ASPSCR1: variants seen among roughly 807,000 people sequenced by gnomAD.
ASPSCR1 encodes the protein ASPSCR1 tether for SLC2A4, UBX domain containing.
Under a neutral mutation model 68.9 loss-of-function variants are expected in ASPSCR1, and 55 were observed. The observed-to-expected ratio is 0.80, with a 90% confidence interval of 0.64 to 1.00. The LOEUF (loss-of-function observed/expected upper bound fraction) is 1.00. Ranked by LOEUF, ASPSCR1 falls within the 50% of genes least tolerant of loss-of-function variation. The pLI is 0.00. For synonymous variants in ASPSCR1, 352 were observed against 332.6 expected, an observed-to-expected ratio of 1.06 and a Z score of -0.63; for missense variants, 765 against 762.2, an observed-to-expected ratio of 1.00 and a Z score of -0.04.
Position 82,009,147 on chromosome 17 carries a change from G to A in ASPSCR1, c.1044G>A (p.Thr348=), listed in dbSNP as rs948786783. ...TGCCTGATGAGTTCTTTGAGCTGAC[G>A]GTGGACGACGTGAGAAGACGCTTGG... The part of the protein sequence containing the change: ...AELPDEFFEL[T]VDDVRRRLAQ... The change falls in exon 8 of 16, where the codon ACG becomes ACA. Residue 348 remains threonine (T), a synonymous_variant. Coordinates refer to ENST00000306739, the MANE Select transcript of ASPSCR1 (RefSeq NM_024083.4). 10 of 1,610,288 alleles carry A rather than the reference G, an allele frequency of 6.2e-6. No individual in the cohort carries two copies. The highest frequency in any genetic ancestry group is 1.7e-5 in the Admixed American group (1 of 59,760).
rs748511827 is a variant in ASPSCR1, at chr17:82,010,772, C to T, written c.1171-30C>T. On this transcript the variant is annotated intron_variant, in intron 9 of 15. Transcript: ENST00000306739. ...TGGTCCCTGGTGCAGCTCCGGCCGT[C>T]CCTCCAACCCTTCCACTTGTCTGGC... is the stretch of plus-strand genomic sequence containing the variant. The T allele has an allele frequency of 3.1e-6, 5 of 1,607,442 alleles. No homozygotes were observed. The Admixed American group carries it at 6.7e-5, about 21-fold the overall frequency.
chr17:81,984,923 ACACACCCC>A (rs931718438), intron 3 of ASPSCR1, among the ~76,000 whole-genome samples: 4 of 89,560 alleles, frequency 4.5e-5, no homozygotes, highest in Non-Finnish European at 6.3e-5. Flanking sequence ...AGCAACGTGC[ACACACCCC>A]CACACCCGCA....
rs2042462581 is a variant in ASPSCR1 at position 81,999,639 on chromosome 17, A to G, written c.933+2793A>G. Among the ~76,000 whole-genome samples the G allele has an allele frequency of 6.6e-6, 1 of 151,852 alleles. No individual in the cohort carries two copies. The highest frequency in any genetic ancestry group is 2.4e-5 in the African/African-American group (1 of 41,352). ...GAAACTCCATCTCAAAAAAAAAAAA[A>G]AAAAAGAAAACAAGAAGTGGCCAGG... On this transcript the variant is annotated intron_variant, in intron 7 of 15. Transcript: ENST00000306739. This position sits in a 1 kb window ranked among gnomAD's most constrained non-coding sequence, Gnocchi z 4.4.
intron 2 of ASPSCR1, among the ~76,000 whole-genome samples, chr17:81,982,264 C>T (rs1451286656): frequency 1.3e-5 from 2 of 152,264 alleles, no homozygotes; most frequent in African/African-American, 2.4e-5. Flanking sequence ...CCACCGCGCC[C>T]AGCGCATTGT....
chr17:82,016,305 A>C (rs1277708859), intron 12 of ASPSCR1, 171 bp from the exon 13 acceptor site: 6 of 625,164 alleles, frequency 9.6e-6, no homozygotes, highest in Non-Finnish European at 1.7e-5. Context: ...CCTTGCTTAC[A>C]GGGGTAGGGC....
At position 82,009,492 on chromosome 17, in the gene ASPSCR1, C is replaced by T; in HGVS notation, c.1095C>T (p.Arg365=). The part of the protein sequence containing the change: ...RLAQLKSERK[R]LEEAPLVTKA... ...CTTCCCCTCCTCACCACAGGAAGCGCCTGGAAGAAGCCCCCTTGGTGACCA... is the reference window on the plus strand; with the variant it reads ...CTTCCCCTCCTCACCACAGGAAGCGTCTGGAAGAAGCCCCCTTGGTGACCA... Residue 365 remains arginine, a synonymous_variant, in exon 9 of 16, where the codon CGC becomes CGT. Coordinates refer to ENST00000306739, the MANE Select transcript of ASPSCR1 (RefSeq NM_024083.4). The T allele has an allele frequency of 1.9e-6, 3 of 1,579,512 alleles. No individual in the cohort carries two copies. The South Asian group carries it at 3.5e-5, about 18-fold the overall frequency.
At chr17:81,994,369 G>T (rs1402640134) in intron 4 of ASPSCR1, among the ~76,000 whole-genome samples, 2 of 152,246 alleles carry the variant, frequency 1.3e-5, no homozygotes, top group East Asian at 1.9e-4. Context: ...ACATCAGGCG[G>T]TGGAGACAGG....
At chr17:82,000,209 C>A (rs2042481804) in intron 7 of ASPSCR1, among the ~76,000 whole-genome samples, 1 of 152,258 alleles carries the variant, frequency 6.6e-6, no homozygotes, top group South Asian at 2.1e-4. Flanking sequence ...CAGCCCCTTC[C>A]CTCCGTGACC....
rs146652909 is a variant in ASPSCR1 at position 81,992,331 on chromosome 17, G to C, written c.375-2490G>C. ...ACACTGGGCCGGCGTAGAAGGTCTG[G>C]AACCGATTGCCCACCACCCCTCCCT... On this transcript the variant is annotated intron_variant, in intron 4 of 15. Transcript: ENST00000306739. Among the ~76,000 whole-genome samples the C allele has an allele frequency of 1.8e-3, 273 of 152,320 alleles. 7 individuals carry two copies. In the East Asian group the frequency reaches 0.046, roughly 25 times the overall value.
chr17:81,992,862 C>CGT (rs1022884128), intron 4 of ASPSCR1, among the ~76,000 whole-genome samples: 13 of 152,324 alleles, frequency 8.5e-5, no homozygotes, highest in African/African-American at 3.1e-4. Context: ...GGACACCCGC[C>CGT]GTGTGTGTGG....
chr17:82,009,984 A>G (rs542049192), intron 9 of ASPSCR1: 3 of 273,880 alleles, frequency 1.1e-5, no homozygotes, highest in African/African-American at 7.2e-5. Flanking sequence ...ATCTCAGCTC[A>G]CTGCAAGCTC....
intron 12 of ASPSCR1, chr17:82,013,844 C>T (rs745898035): frequency 1.3e-5 from 2 of 152,596 alleles, no homozygotes; most frequent in Admixed American, 6.5e-5. Flanking sequence ...AAACCTGCGT[C>T]CTGGCCCTGG....
intron 2 of ASPSCR1, among the ~76,000 whole-genome samples, chr17:81,982,986 T>G (rs557395519): frequency 1.1e-4 from 16 of 152,212 alleles, no homozygotes; most frequent in African/African-American, 3.9e-4. Context: ...GCTTATTTTT[T>G]TGTATTTTTA....
intron 10 of ASPSCR1, 58 bp from the exon 11 acceptor site, chr17:82,011,485 G>A (rs2042940122): frequency 1.3e-6 from 2 of 1,505,002 alleles, no homozygotes; most frequent in Admixed American, 2.2e-5. Context: ...AGGTGCTGGG[G>A]CAGCCCGGGG....
At chr17:82,002,251 CATTTT>C (rs771918768) in intron 7 of ASPSCR1, among the ~76,000 whole-genome samples, 1 of 150,964 alleles carries the variant, frequency 6.6e-6, no homozygotes, top group Admixed American at 6.6e-5. Flanking sequence ...TTTTCATTTT[CATTTT>C]ATTTTATTTT....
chr17:81,979,865 A>G (rs1047632532), intron 2 of ASPSCR1, among the ~76,000 whole-genome samples: 2 of 152,352 alleles, frequency 1.3e-5, no homozygotes, highest in African/African-American at 4.8e-5. Flanking sequence ...GGCTTCTGCC[A>G]GACTCTCAAG....
At chr17:81,985,187 T>C (rs1000529964) in intron 3 of ASPSCR1, among the ~76,000 whole-genome samples, 7 of 138,492 alleles carry the variant, frequency 5.1e-5, no homozygotes, top group Admixed American at 1.4e-4. Flanking sequence ...CACACCAACA[T>C]GCACACATCC....
intron 9 of ASPSCR1, among the ~76,000 whole-genome samples, chr17:82,010,237 C>G (rs533699676): frequency 2.0e-5 from 3 of 149,668 alleles, no homozygotes; most frequent in African/African-American, 7.3e-5. Context: ...AAACTTTAAA[C>G]AGCACATTTG....
chr17:81,991,684 C>T (rs1315342667), intron 4 of ASPSCR1, among the ~76,000 whole-genome samples: 1 of 152,256 alleles, frequency 6.6e-6, no homozygotes, highest in African/African-American at 2.4e-5. Flanking sequence ...CTCTCCCAGG[C>T]TCTGTCTAGC....
Sources: allele counts gnomAD v4.1 joint callset (sites outside exome capture counted in the v4.1 genomes callset), GRCh38; gene constraint gnomAD v4.1.1; non-coding constraint Gnocchi (gnomAD v3.1); transcripts MANE v1.5; gene names NCBI Gene and HGNC (gene_info 2026-07-23, HGNC 2026-07-21).